DAP: variants seen among roughly 807,000 people sequenced by gnomAD.
DAP encodes death-associated protein 1.
DAP carries 8 observed loss-of-function variants against 13.8 expected under a neutral mutation model. The ratio of observed to expected loss-of-function variants is 0.58; its 90% CI spans 0.34 to 1.05. DAP has a LOEUF of 1.05. Ranked by LOEUF, DAP falls within the 50% of genes least tolerant of loss-of-function variation. DAP has a pLI of 0.03. For synonymous variants in DAP, 47 were observed against 47.5 expected, an observed-to-expected ratio of 0.99 and a Z score of 0.04; for missense variants, 106 against 133.2, an observed-to-expected ratio of 0.80 and a Z score of 1.01.
intron 2 of DAP, among the ~76,000 whole-genome samples, chr5:10,733,039 T>C (rs1739504338): frequency 6.6e-6 from 1 of 152,240 alleles, no homozygotes; most frequent in Non-Finnish European, 1.5e-5. Context: ...CATAGAATCA[T>C]GCAGTACTTT....
chr5:10,681,897 C>T (rs1738019295), intron 3 of DAP, among the ~76,000 whole-genome samples: 1 of 151,624 alleles, frequency 6.6e-6, no homozygotes, highest in Non-Finnish European at 1.5e-5. Context: ...GACCAGCGCC[C>T]ACCAGCATCC....
intron 2 of DAP, among the ~76,000 whole-genome samples, chr5:10,684,868 G>A (rs1379174145): frequency 2.0e-5 from 3 of 152,144 alleles, no homozygotes; most frequent in African/African-American, 7.2e-5. Flanking sequence ...GGGACAGCGC[G>A]ATCGATCGGG....
rs769553782 is a variant in DAP at position 10,759,928 on chromosome 5, T to C, written c.55+1086A>G. 9.7e-4 allele frequency among the ~76,000 whole-genome samples: 148 copies of C among 151,984 alleles called. 2 individuals carry two copies. The highest frequency in any genetic ancestry group is 2.6e-4 in the Admixed American group (4 of 15,256). On this transcript the variant is annotated intron_variant, in intron 1 of 3. Transcript: ENST00000230895. Reference sequence around the variant, plus strand: ...CGCCACCATGCCCAGCTAATTTTTCTACTTTTAGTAGAGATGGGGTTTCAC... The same window carrying C: ...CGCCACCATGCCCAGCTAATTTTTCCACTTTTAGTAGAGATGGGGTTTCAC...
chr5:10,750,555 T>A (rs1740022436), intron 1 of DAP, among the ~76,000 whole-genome samples: 1 of 152,238 alleles, frequency 6.6e-6, no homozygotes, highest in South Asian at 2.1e-4. Flanking sequence ...CTCTCAAAAA[T>A]CTGCTCTATA....
At chr5:10,759,410 A>C (rs1740282676) in intron 1 of DAP, among the ~76,000 whole-genome samples, 1 of 152,142 alleles carries the variant, frequency 6.6e-6, no homozygotes, top group Non-Finnish European at 1.5e-5. Context: ...GTGGAATGGA[A>C]GTCAGTTATC....
intron 2 of DAP, among the ~76,000 whole-genome samples, chr5:10,695,185 C>T (rs1579789211): frequency 6.6e-6 from 1 of 152,362 alleles, no homozygotes; most frequent in East Asian, 1.9e-4. Context: ...ACAGTCGAGG[C>T]TGTCTCCCTC....
intron 2 of DAP, among the ~76,000 whole-genome samples, chr5:10,688,661 T>C (rs533387970): frequency 6.6e-6 from 1 of 151,732 alleles, no homozygotes; most frequent in Non-Finnish European, 1.5e-5. Context: ...TTATAAAGAT[T>C]GACACACACA....
intron 2 of DAP, among the ~76,000 whole-genome samples, chr5:10,717,240 C>T (rs553530649): frequency 6.6e-5 from 10 of 152,284 alleles, no homozygotes; most frequent in South Asian, 2.1e-4. Flanking sequence ...GCTAAGATTG[C>T]CCTGAGTGAG....
chr5:10,715,822 G>A (rs1054316902), intron 2 of DAP, among the ~76,000 whole-genome samples: 3 of 152,196 alleles, frequency 2.0e-5, no homozygotes, highest in Non-Finnish European at 4.4e-5. Flanking sequence ...TTCCAACAAG[G>A]AGCTGGCACT....
intron 1 of DAP, among the ~76,000 whole-genome samples, chr5:10,754,850 A>C (rs947648592): frequency 1.3e-5 from 2 of 152,208 alleles, no homozygotes. Context: ...GGGGGCATCA[A>C]ACTGGGTCCT....
At chr5:10,749,124 T>G (rs529076601) in intron 1 of DAP, among the ~76,000 whole-genome samples, 1 of 152,252 alleles carries the variant, frequency 6.6e-6, no homozygotes, top group Non-Finnish European at 1.5e-5. Flanking sequence ...GGTTCATCCA[T>G]GTTACAGCAC....
chr5:10,705,222 C>T (rs551460240), intron 2 of DAP, among the ~76,000 whole-genome samples: 2 of 151,662 alleles, frequency 1.3e-5, no homozygotes, highest in East Asian at 2.0e-4. Flanking sequence ...CAGCCCACCG[C>T]GGCCCACACT....
intron 2 of DAP, among the ~76,000 whole-genome samples, chr5:10,710,008 C>T (rs777601830): frequency 3.9e-4 from 59 of 152,302 alleles, no homozygotes; most frequent in African/African-American, 1.4e-3. Flanking sequence ...GTGATGCTGG[C>T]GCTGCTCGAG....
chr5:10,699,218 G>T (rs1346499983), intron 2 of DAP, among the ~76,000 whole-genome samples: 1 of 152,208 alleles, frequency 6.6e-6, no homozygotes, highest in Non-Finnish European at 1.5e-5. Context: ...CTGTCTGTCT[G>T]TCTACGGTGT....
chr5:10,698,838 A>G (rs1483658231), intron 2 of DAP, among the ~76,000 whole-genome samples: 1 of 152,252 alleles, frequency 6.6e-6, no homozygotes, highest in Non-Finnish European at 1.5e-5. Flanking sequence ...ACAGCCTCCA[A>G]TATAAAATGA....
intron 2 of DAP, among the ~76,000 whole-genome samples, chr5:10,687,928 T>TTTTTA (rs140341146): frequency 3.6e-5 from 5 of 139,498 alleles, no homozygotes; most frequent in African/African-American, 1.4e-4. Context: ...TTTTTTTTTT[T>TTTTTA]ACAGAGGGAG....
rs747073679 is a variant in DAP, at chr5:10,756,190, C to G, written c.55+4824G>C. On this transcript the variant is annotated intron_variant, in intron 1 of 3. Coordinates refer to ENST00000230895, the MANE Select transcript of DAP (RefSeq NM_004394.3). ...GGAAGAGGTGAAATGCCATGGGCCA[C>G]CTTGACAGAAGGCTTCTGAAAAAAG... 1.0e-4 allele frequency among the ~76,000 whole-genome samples: 14 copies of G among 136,630 alleles called. 2 individuals carry two copies. The highest frequency in any genetic ancestry group is 1.9e-4 in the Non-Finnish European group (12 of 63,116). The allele number at this position is 136,630 out of a possible 152,430, so 89.6% of individuals were successfully genotyped here. A position where few individuals can be genotyped will look rare whatever the true frequency, so the allele number is the denominator to read the frequency against.
chr5:10,733,155 C>T lies in DAP; in HGVS notation c.152+15020G>A, dbSNP rs1036940119. Among the ~76,000 whole-genome samples the T allele has an allele frequency of 6.2e-5, 8 of 128,482 alleles. No individual in the cohort carries two copies. In the South Asian group the frequency reaches 1.8e-3, roughly 30 times the overall value. The allele number at this position is 128,482 out of a possible 152,430, so 84.3% of individuals were successfully genotyped here. A position where few individuals can be genotyped will look rare whatever the true frequency, so the allele number is the denominator to read the frequency against. ...TTTTTAAGGTTGAATAATATTCCTG[C>T]GTGTGTGTGTGTGTGTGTGTGTGTG... On this transcript the variant is annotated intron_variant, in intron 2 of 3. Transcript: ENST00000230895.
intron 2 of DAP, among the ~76,000 whole-genome samples, chr5:10,712,103 A>G (rs1413532679): frequency 2.6e-5 from 4 of 152,178 alleles, no homozygotes; most frequent in Non-Finnish European, 5.9e-5. Context: ...CCCTCACCCA[A>G]TATGATTGGT....
Sources: gnomAD v4.1 joint callset for allele counts (sites outside exome capture counted in the v4.1 genomes callset) on GRCh38, gnomAD v4.1.1 for gene constraint, MANE v1.5 for transcripts, NCBI Gene and HGNC (gene_info 2026-07-23, HGNC 2026-07-21) for gene names.